Variants in SORCS3 observed in about 807,000 individuals in gnomAD.
SORCS3 encodes the protein sortilin related VPS10 domain containing receptor 3, also known as VPS10 domain-containing receptor SorCS3.
Under a neutral mutation model 146.3 loss-of-function variants are expected in SORCS3, and 57 were observed. The ratio of observed to expected loss-of-function variants is 0.39; its 90% CI spans 0.31 to 0.49. The LOEUF (loss-of-function observed/expected upper bound fraction) is 0.49. Ranked by LOEUF, SORCS3 falls within the 20% of genes least tolerant of loss-of-function variation. The pLI is 0.92. For missense variants in SORCS3, 1,341 were observed against 1,575.5 expected, an observed-to-expected ratio of 0.85 and a Z score of 2.52; for synonymous variants, 653 against 618.5, an observed-to-expected ratio of 1.06 and a Z score of -0.83.
intron 7 of SORCS3, among the ~76,000 whole-genome samples, chr10:105,125,317 T>G (rs934006391): frequency 6.6e-6 from 1 of 152,180 alleles, no homozygotes; most frequent in Non-Finnish European, 1.5e-5. Flanking sequence ...TGACACGAAT[T>G]AAGTGGTCAG....
intron 3 of SORCS3, among the ~76,000 whole-genome samples, chr10:104,964,361 A>G (rs1201792267): frequency 1.3e-5 from 2 of 152,076 alleles, no homozygotes; most frequent in African/African-American, 4.8e-5. Context: ...TGACCACATG[A>G]TTTAAAACTA....
rs1303783982 is a variant in SORCS3 at position 105,242,303 on chromosome 10, CATATATTTATAT to C, written c.2869-3227_2869-3216del. On this transcript the variant is annotated intron_variant, in intron 20 of 26. Coordinates refer to ENST00000369701, the MANE Select transcript of SORCS3 (RefSeq NM_014978.3). ...ACATATGTTTATATATATATTTATA[CATATATTTATAT>C]ATATATTTATACATATATTTATATA... is the stretch of plus-strand genomic sequence containing the variant. 9.4e-4 allele frequency among the ~76,000 whole-genome samples: 116 copies of C among 123,422 alleles called. 1 individual carries two copies. The highest frequency in any genetic ancestry group is 3.4e-3 in the African/African-American group (110 of 32,106). The allele number at this position is 123,422 out of a possible 152,430, so 81.0% of individuals were successfully genotyped here.
intron 5 of SORCS3, among the ~76,000 whole-genome samples, chr10:105,065,782 G>C (rs1386551795): frequency 6.6e-6 from 1 of 152,122 alleles, no homozygotes; most frequent in Non-Finnish European, 1.5e-5. Context: ...ATTTGTAAAA[G>C]AGGAAGAAGA....
chr10:105,164,105 G>A (rs2056291763), intron 11 of SORCS3, among the ~76,000 whole-genome samples, 198 bp from the exon 12 acceptor site: 2 of 152,148 alleles, frequency 1.3e-5, no homozygotes, highest in Non-Finnish European at 1.5e-5. Context: ...ATGCATTTCT[G>A]TCATACTATT....
intron 8 of SORCS3, among the ~76,000 whole-genome samples, chr10:105,144,023 C>T (rs534264978): frequency 6.6e-6 from 1 of 152,282 alleles, no homozygotes; most frequent in African/African-American, 2.4e-5. Context: ...GATCCCTATC[C>T]TCTCTAACTA....
At position 105,192,620 on chromosome 10, in the gene SORCS3, C is replaced by T. The variant is rs2056522915; in HGVS notation, c.2010-7379C>T. 2.0e-5 allele frequency among the ~76,000 whole-genome samples: 3 copies of T among 152,248 alleles called. No individual in the cohort carries two copies. The South Asian group carries it at 6.2e-4, about 32-fold the overall frequency. On this transcript the variant is annotated intron_variant, in intron 14 of 26. Transcript: ENST00000369701. ...AGTTGTGAGTCAATGGCAAATCAAA[C>T]TCAACAATATTATCTTAGTTGAGTT...
At chr10:105,117,693 A>G (rs552642898) in intron 7 of SORCS3, among the ~76,000 whole-genome samples, 4 of 152,322 alleles carry the variant, frequency 2.6e-5, no homozygotes, top group African/African-American at 9.6e-5. Context: ...TTTGAGCACT[A>G]GCTGTATTCA....
At chr10:105,193,288 A>G (rs2056526960) in intron 14 of SORCS3, among the ~76,000 whole-genome samples, 1 of 152,172 alleles carries the variant, frequency 6.6e-6, no homozygotes, top group African/African-American at 2.4e-5. Context: ...CTATATTCCA[A>G]ATGATACACA....
intron 12 of SORCS3, 119 bp from the exon 13 acceptor site, chr10:105,167,139 G>A: frequency 7.0e-6 from 5 of 713,048 alleles, no homozygotes; most frequent in Non-Finnish European, 1.2e-5. Context: ...CTATCTGATA[G>A]TGCTGTTGGA....
At chr10:104,665,975 C>T (rs1589451333) in intron 1 of SORCS3, 1 of 152,190 alleles carries the variant, frequency 6.6e-6, no homozygotes, top group Admixed American at 6.5e-5. Flanking sequence ...TTTTCCTACA[C>T]CAAAAGGTGA....
At chr10:104,908,232 C>T (rs894142115) in intron 2 of SORCS3, among the ~76,000 whole-genome samples, 1 of 152,206 alleles carries the variant, frequency 6.6e-6, no homozygotes, top group African/African-American at 2.4e-5. Context: ...TCTTTTGATT[C>T]TCCAGGCAAC....
chr10:105,186,591 T>A (rs1321222442), intron 14 of SORCS3, among the ~76,000 whole-genome samples: 1 of 152,032 alleles, frequency 6.6e-6, no homozygotes, highest in Non-Finnish European at 1.5e-5. Flanking sequence ...TCTTTAAATT[T>A]CCCTATCTTA....
chr10:104,721,773 CTGTT>C (rs1464367265), intron 1 of SORCS3, among the ~76,000 whole-genome samples: 3 of 151,982 alleles, frequency 2.0e-5, no homozygotes, highest in Non-Finnish European at 2.9e-5. Flanking sequence ...ATTTGGCTCT[CTGTT>C]TGTCTGTTAT....
chr10:105,047,379 C>T (rs1400572917), intron 5 of SORCS3, among the ~76,000 whole-genome samples: 2 of 152,052 alleles, frequency 1.3e-5, no homozygotes, highest in African/African-American at 4.8e-5. Context: ...TCCAATGCGT[C>T]CTCTTTACTG....
In SORCS3 at chr10:105,139,410, G is replaced by C. The variant is rs1234740080; in HGVS notation, c.1226G>C (p.Gly409Ala). Residue 409 changes from glycine to alanine, a missense_variant, in exon 8 of 27, where the codon GGA (glycine) becomes GCA (alanine). Physicochemically the swap from Gly to Ala is moderately conservative, Grantham distance 60. Coordinates refer to ENST00000369701, the MANE Select transcript of SORCS3 (RefSeq NM_014978.3). ...EYIFIQVTTSGRASYYVSYRR... is the reference protein window; with the variant it reads ...EYIFIQVTTSARASYYVSYRR... ...CCCACAATCTAGGTAACAACTAGTG[G>C]AAGAGCCAGCTACTACGTGTCTTAT... 6.2e-7 allele frequency: 1 copy of C among 1,613,292 alleles called. No homozygotes were observed. The highest frequency in any genetic ancestry group is 1.7e-5 in the Admixed American group (1 of 59,976).
At chr10:104,914,566 C>A (rs922507611) in intron 2 of SORCS3, among the ~76,000 whole-genome samples, 2 of 152,020 alleles carry the variant, frequency 1.3e-5, no homozygotes, top group African/African-American at 4.8e-5. Context: ...CACAAGCCAT[C>A]GGGCTGATGT....
chr10:105,089,734 G>C (rs532779509), intron 5 of SORCS3, 41 bp from the exon 6 acceptor site: 1 of 1,552,562 alleles, frequency 6.4e-7, no homozygotes, highest in Admixed American at 1.7e-5. Flanking sequence ...GTCTGCTATC[G>C]GTGTTGTCAC....
intron 3 of SORCS3, among the ~76,000 whole-genome samples, chr10:104,916,863 C>A (rs1028293289): frequency 6.6e-6 from 1 of 152,200 alleles, no homozygotes; most frequent in Non-Finnish European, 1.5e-5. Context: ...AGCTCAGGAG[C>A]AAGCTTCAAA....
chr10:104,883,975 T>TAG (rs1554856910), intron 2 of SORCS3, among the ~76,000 whole-genome samples: 6 of 145,654 alleles, frequency 4.1e-5, no homozygotes, highest in African/African-American at 1.6e-4. Context: ...TGCTGTGGAA[T>TAG]GAGGGGGGGG....
Sources: allele counts gnomAD v4.1 joint callset (sites outside exome capture counted in the v4.1 genomes callset), GRCh38; gene constraint gnomAD v4.1.1; transcripts MANE v1.5; gene names NCBI Gene and HGNC (gene_info 2026-07-23, HGNC 2026-07-21).